Variants in EEF1A2 observed in about 807,000 individuals in gnomAD.
EEF1A2 encodes the protein elongation factor 1-alpha 2.
In EEF1A2, 5 loss-of-function variants were observed where a neutral mutation model predicts 39.3. That is an observed-to-expected ratio of 0.13 (90% confidence interval 0.07 to 0.27). The LOEUF (loss-of-function observed/expected upper bound fraction) is 0.27, where lower values mean the gene tolerates loss of function less well. EEF1A2 is among the 10% of genes least tolerant of loss of function. The pLI is 1.00. For missense variants in EEF1A2, 218 were observed against 681.4 expected (o/e 0.32, Z 7.57); for synonymous variants, 287 against 293.7 (o/e 0.98, Z 0.23).
intron 5 of EEF1A2, among the ~76,000 whole-genome samples, chr20:63,492,118 AT>A (rs2082385704): frequency 1.1e-5 from 1 of 87,322 alleles, no homozygotes; most frequent in African/African-American, 3.7e-5. Flanking sequence ...GGATGGATGG[AT>A]GGATGGATGG....
chr20:63,489,789 A>T (rs310605), intron 6 of EEF1A2, among the ~76,000 whole-genome samples: 89,052 of 151,662 alleles, frequency 0.59, 26,587 homozygotes, highest in African/African-American at 0.65. Context: ...TCTCAAAAAA[A>T]AAATAAATAA....
rs762953572 is a variant in EEF1A2, at chr20:63,494,982, G to A, written c.444C>T (p.Leu148=). The part of the protein sequence containing the change: ...LLAYTLGVKQ[L]IVGVNKMDST... Reference sequence around the variant, plus strand: ...AGTCCATTTTGTTCACGCCCACGATGAGCTGCTTCACACCCAGCGTGTAGG... The same window carrying A: ...AGTCCATTTTGTTCACGCCCACGATAAGCTGCTTCACACCCAGCGTGTAGG... Residue 148 remains leucine, a synonymous_variant, in exon 4 of 8, where the codon CTC becomes CTT. Coordinates refer to ENST00000217182, the MANE Select transcript of EEF1A2 (RefSeq NM_001958.5). 51 of 1,612,816 alleles carry A rather than the reference G, an allele frequency of 3.2e-5. No individual in the cohort carries two copies. In the South Asian group the frequency reaches 5.6e-4, roughly 18 times the overall value.
intron 7 of EEF1A2, 46 bp from the exon 8 acceptor site, chr20:63,488,471 C>T (rs1397062598): frequency 2.3e-6 from 3 of 1,328,438 alleles, no homozygotes; most frequent in African/African-American, 2.4e-5. Flanking sequence ...AGGACTTGAC[C>T]CCCCCCAACC....
rs1000703611 is a variant in EEF1A2 at position 63,494,939 on chromosome 20, T to C, written c.487A>G (p.Ser163Gly). 3.7e-6 allele frequency: 6 copies of C among 1,612,788 alleles called. No individual in the cohort carries two copies. The highest frequency in any genetic ancestry group is 5.1e-6 in the Non-Finnish European group (6 of 1,179,974). The change falls in exon 4 of 8, where the codon AGC (serine) becomes GGC (glycine). Residue 163 changes from serine to glycine, a missense_variant. By Grantham distance (56) the Ser-to-Gly change is moderately conservative (BLOSUM62 0). Coordinates refer to ENST00000217182, the MANE Select transcript of EEF1A2 (RefSeq NM_001958.5). ...ACGATCTCGTCGTAGCGCTTCTCGC[T>C]GTAGGCCGGCTCTGTGGAGTCCATT... is the stretch of plus-strand genomic sequence containing the variant. Reference protein sequence around the residue: ...NKMDSTEPAYSEKRYDEIVKE... With the variant: ...NKMDSTEPAYGEKRYDEIVKE...
rs1349633195 is a variant in EEF1A2 at position 63,497,952 on chromosome 20, G to A, written c.-71-118C>T. 10 of 762,206 alleles carry A rather than the reference G, an allele frequency of 1.3e-5. No homozygotes were observed. Among genetic ancestry groups the A allele is most frequent in the Non-Finnish European group, 2.0e-5 (10 of 506,204 alleles). The allele number at this position is 762,206 out of a possible 1,614,324, so 47.2% of individuals were successfully genotyped here. On this transcript the variant is annotated intron_variant, in intron 1 of 7. Transcript: ENST00000217182. This position sits in a 1 kb window ranked among gnomAD's most constrained non-coding sequence, Gnocchi z 7.3. The stretch of plus-strand genomic sequence containing the variant: ...CCCTGCCCACAAACCAAGCCCCCAT[G>A]TTTGGTGGGGAGGGAAGGGCCCCCA...
chr20:63,495,774 C>T lies in EEF1A2; in HGVS notation c.324+82G>A, dbSNP rs1600908302. The stretch of plus-strand genomic sequence containing the variant: ...CAGGAAGCACAGGAGACCCTACCAT[C>T]CCAGTGACCCCAGGGGCCCCCAGTG... On this transcript the variant is annotated intron_variant, in intron 3 of 7. Transcript: ENST00000217182. The T allele has an allele frequency of 1.2e-5, 18 of 1,531,248 alleles. No individual in the cohort carries two copies. The East Asian group carries it at 4.1e-4, about 35-fold the overall frequency. The allele number at this position is 1,531,248 out of a possible 1,614,324, so 94.9% of individuals were successfully genotyped here.
rs563707111 is a variant in EEF1A2 at position 63,493,490 on chromosome 20, AAGG to A, written c.622-206_622-204del. Among the ~76,000 whole-genome samples, 97 of 152,194 alleles carry A rather than the reference AAGG, an allele frequency of 6.4e-4. 1 individual carries two copies. The highest frequency in any genetic ancestry group is 2.1e-3 in the African/African-American group (87 of 41,536). ...ACTCTGGGAAGGAGATCCCTCTTAA[AAGG>A]AGGAGGACAAAGAGGGAAAGCACCC... On this transcript the variant is annotated intron_variant, in intron 4 of 7. Transcript: ENST00000217182.
At chr20:63,493,328 G>T (rs1257010503) in intron 4 of EEF1A2, 41 bp from the exon 5 acceptor site, 1 of 1,468,464 alleles carries the variant, frequency 6.8e-7, no homozygotes. Flanking sequence ...AGAGACATTG[G>T]TGGCCTCCCC....
chr20:63,488,471 C>G, intron 7 of EEF1A2, 46 bp from the exon 8 acceptor site: 5 of 1,328,506 alleles, frequency 3.8e-6, no homozygotes, highest in African/African-American at 2.4e-5. Flanking sequence ...AGGACTTGAC[C>G]CCCCCCAACC....
Position 63,497,781 on chromosome 20 carries a change from G to A in EEF1A2, c.-18C>T. On this transcript the variant is annotated 5_prime_UTR_variant, in exon 2 of 8. Coordinates refer to ENST00000217182, the MANE Select transcript of EEF1A2 (RefSeq NM_001958.5). The surrounding 1 kb of genome is among the most constrained non-coding windows in gnomAD (Gnocchi z 7.3). ...TTGCCCATTTTGCTGGGAGTGTGAG[G>A]GGCTGGCGGGACCCGGGGTGCTCTG... 6.2e-7 allele frequency: 1 copy of A among 1,608,374 alleles called. No individual in the cohort carries two copies.
Position 63,489,281 on chromosome 20 carries a change from A to AG in EEF1A2, c.1030-130dup, listed in dbSNP as rs1208615498. ...CTCCTGGGCCCGGAGTGCTGACTGG[A>AG]GGGGGCTCAGGCTCTGAGGACCCAG... On this transcript the variant is annotated intron_variant, in intron 6 of 7. Coordinates refer to ENST00000217182, the MANE Select transcript of EEF1A2 (RefSeq NM_001958.5). The AG allele has an allele frequency of 1.6e-5, 14 of 849,864 alleles. No individual in the cohort carries two copies. In the Admixed American group the frequency reaches 3.5e-4, roughly 21 times the overall value. The allele number at this position is 849,864 out of a possible 1,614,324, so 52.6% of individuals were successfully genotyped here. A position where few individuals can be genotyped will look rare whatever the true frequency, so the allele number is the denominator to read the frequency against.
At chr20:63,494,705 G>C in intron 4 of EEF1A2, 100 bp downstream of exon 4, 1 of 1,444,380 alleles carries the variant, frequency 6.9e-7, no homozygotes, top group Admixed American at 2.2e-5. Context: ...ATTTCCCGGG[G>C]ACAGGCCCTC....
At chr20:63,493,398 G>C (rs575785258) in intron 4 of EEF1A2, 111 bp from the exon 5 acceptor site, 1 of 1,303,392 alleles carries the variant, frequency 7.7e-7, no homozygotes, top group African/African-American at 1.5e-5. Flanking sequence ...AACTTGCCTC[G>C]TGCCCTTTGA....
At position 63,488,388 on chromosome 20, in the gene EEF1A2, G is replaced by A. The variant is rs1057522311; in HGVS notation, c.1302C>T (p.Ala434=). 1 of 1,477,928 alleles carries A rather than the reference G, an allele frequency of 6.8e-7. No homozygotes were observed. The allele number at this position is 1,477,928 out of a possible 1,614,324, so 91.6% of individuals were successfully genotyped here. A position where few individuals can be genotyped will look rare whatever the true frequency, so the allele number is the denominator to read the frequency against. Residue 434 remains alanine, a synonymous_variant, in exon 8 of 8, where the codon GCC becomes GCT. Coordinates refer to ENST00000217182, the MANE Select transcript of EEF1A2 (RefSeq NM_001958.5). The part of the protein sequence containing the change: ...FAVRDMRQTV[A]VGVIKNVEKK... ...TCTCCACGTTCTTGATGACGCCTAC[G>A]GCCACCGTCTGCCTCATGTCGCGCA...
intron 5 of EEF1A2, among the ~76,000 whole-genome samples, chr20:63,491,283 G>A (rs1194272755): frequency 6.6e-6 from 1 of 152,244 alleles, no homozygotes; most frequent in African/African-American, 2.4e-5. Context: ...GGGCCTCTCA[G>A]CCAGATGCAG....
At chr20:63,496,382 G>A (rs2736987) in intron 2 of EEF1A2, 15 of 307,128 alleles carry the variant, frequency 4.9e-5, no homozygotes, top group Non-Finnish European at 8.6e-5. Context: ...AGCTGCGGAC[G>A]CCCCCAGATC....
At position 63,489,289 on chromosome 20, in the gene EEF1A2, C is replaced by G. The variant is rs942993022; in HGVS notation, c.1030-137G>C. 1.5e-5 allele frequency: 12 copies of G among 803,024 alleles called. No individual in the cohort carries two copies. In the African/African-American group the frequency reaches 1.7e-4, roughly 12 times the overall value. 49.7% of individuals were successfully genotyped at this position (803,024 alleles called of 1,614,324 possible). On this transcript the variant is annotated intron_variant, in intron 6 of 7. Coordinates refer to ENST00000217182, the MANE Select transcript of EEF1A2 (RefSeq NM_001958.5). The stretch of plus-strand genomic sequence containing the variant: ...CCCGGAGTGCTGACTGGAGGGGGCT[C>G]AGGCTCTGAGGACCCAGCCCCCAGA...
intron 6 of EEF1A2, 148 bp from the exon 7 acceptor site, chr20:63,489,300 G>T: frequency 1.4e-6 from 1 of 707,184 alleles, no homozygotes; most frequent in South Asian, 1.9e-5. Context: ...AGGCTCTGAG[G>T]ACCCAGCCCC....
intron 7 of EEF1A2, 81 bp downstream of exon 7, chr20:63,488,837 C>A: frequency 6.8e-7 from 1 of 1,465,980 alleles, no homozygotes; most frequent in Non-Finnish European, 9.3e-7. Flanking sequence ...GTCCCCAGCG[C>A]CCCATCCCCG....
Sources: gnomAD v4.1 joint callset for allele counts (sites outside exome capture counted in the v4.1 genomes callset) on GRCh38, gnomAD v4.1.1 for gene constraint, Gnocchi (gnomAD v3.1) non-coding constraint, MANE v1.5 for transcripts, NCBI Gene and HGNC (gene_info 2026-07-23, HGNC 2026-07-21) for gene names.